Variants in EBF1 observed in about 807,000 individuals in gnomAD.
EBF1 encodes the protein EBF transcription factor 1, also known as transcription factor COE1.
Under a neutral mutation model 68.4 loss-of-function variants are expected in EBF1, and 10 were observed. The ratio of observed to expected loss-of-function variants is 0.15; its 90% CI spans 0.09 to 0.25. EBF1 has a LOEUF of 0.25. EBF1 is among the 10% of genes least tolerant of loss of function. EBF1 has a pLI of 1.00. For missense variants in EBF1, 509 were observed against 794.4 expected (o/e 0.64, Z 4.32); for synonymous variants, 298 against 299.8 (o/e 0.99, Z 0.06).
At chr5:158,851,377 G>A (rs1252216036) in intron 6 of EBF1, among the ~76,000 whole-genome samples, 4 of 129,960 alleles carry the variant, frequency 3.1e-5, no homozygotes, top group Non-Finnish European at 6.7e-5. Flanking sequence ...GGAAAGGGAA[G>A]GGAAGGGGAA....
chr5:158,878,507 T>C (rs1798211910), intron 6 of EBF1, among the ~76,000 whole-genome samples: 1 of 152,206 alleles, frequency 6.6e-6, no homozygotes, highest in South Asian at 2.1e-4. Context: ...AATCTCATTA[T>C]CTCATTTAAC....
At chr5:158,788,782 G>A (rs978185475) in intron 9 of EBF1, among the ~76,000 whole-genome samples, 3 of 152,240 alleles carry the variant, frequency 2.0e-5, no homozygotes, top group African/African-American at 2.4e-5. Context: ...TTACAGACAC[G>A]TGTACCTCCT....
intron 11 of EBF1, among the ~76,000 whole-genome samples, chr5:158,715,848 G>T (rs1354903452): frequency 6.6e-6 from 1 of 152,118 alleles, no homozygotes; most frequent in Admixed American, 6.6e-5. Flanking sequence ...TCTTAGGAAA[G>T]ATGAAAACAA....
intron 7 of EBF1, among the ~76,000 whole-genome samples, chr5:158,837,924 A>G (rs1789203865): frequency 6.6e-6 from 1 of 152,214 alleles, no homozygotes; most frequent in Admixed American, 6.5e-5. Flanking sequence ...CAAAAGAAAT[A>G]TAAGGTTCAT....
intron 6 of EBF1, among the ~76,000 whole-genome samples, chr5:159,034,527 C>A (rs529563737): frequency 6.6e-6 from 1 of 152,186 alleles, no homozygotes; most frequent in Admixed American, 6.5e-5. Context: ...GACAGCAAAT[C>A]GATTAGTGCT....
At chr5:158,831,798 A>C (rs1228948073) in intron 7 of EBF1, among the ~76,000 whole-genome samples, 6 of 152,184 alleles carry the variant, frequency 3.9e-5, no homozygotes, top group African/African-American at 1.4e-4. Context: ...CACCGTGCTC[A>C]GCCTGAAATC....
At chr5:158,803,928 T>C (rs561512210) in intron 8 of EBF1, among the ~76,000 whole-genome samples, 1 of 143,962 alleles carries the variant, frequency 6.9e-6, no homozygotes, top group African/African-American at 2.6e-5. Context: ...GTATTATATA[T>C]GAAAAAGAGT....
intron 8 of EBF1, among the ~76,000 whole-genome samples, chr5:158,821,440 C>T (rs1359416316): frequency 6.6e-6 from 1 of 152,148 alleles, no homozygotes; most frequent in East Asian, 1.9e-4. Context: ...TCACTGGCTT[C>T]CCAAGAGCAG....
intron 6 of EBF1, among the ~76,000 whole-genome samples, chr5:158,951,844 G>A (rs965102535): frequency 3.9e-5 from 6 of 152,198 alleles, no homozygotes; most frequent in Admixed American, 2.0e-4. Flanking sequence ...ACAGAGACAG[G>A]ACACAGAAAG....
At chr5:158,953,551 A>T (rs1816470451) in intron 6 of EBF1, among the ~76,000 whole-genome samples, 2 of 152,206 alleles carry the variant, frequency 1.3e-5, no homozygotes, top group South Asian at 2.1e-4. Flanking sequence ...CAGAAAGTTG[A>T]CAATCATACA....
intron 6 of EBF1, among the ~76,000 whole-genome samples, chr5:158,904,902 C>G (rs1804240692): frequency 6.6e-6 from 1 of 152,176 alleles, no homozygotes; most frequent in South Asian, 2.1e-4. Flanking sequence ...TATTCTCCAG[C>G]ATTAAGACAA....
At chr5:158,789,637 C>A (rs1029808340) in intron 9 of EBF1, among the ~76,000 whole-genome samples, 1 of 152,134 alleles carries the variant, frequency 6.6e-6, no homozygotes, top group Non-Finnish European at 1.5e-5. Flanking sequence ...GCTCCCAGGA[C>A]AAGCCACCCT....
chr5:159,078,499 C>G (rs1198351828), intron 5 of EBF1, among the ~76,000 whole-genome samples: 1 of 152,188 alleles, frequency 6.6e-6, no homozygotes, highest in African/African-American at 2.4e-5. Context: ...GACCTTCATC[C>G]GTTCAAAGCA....
chr5:158,970,655 C>G (rs1376014949), intron 6 of EBF1, among the ~76,000 whole-genome samples: 4 of 152,160 alleles, frequency 2.6e-5, no homozygotes, highest in Non-Finnish European at 5.9e-5. Context: ...TCCATAAACA[C>G]AAGCACCTAC....
intron 6 of EBF1, among the ~76,000 whole-genome samples, chr5:158,981,352 C>A (rs1049710899): frequency 1.3e-5 from 2 of 152,148 alleles, no homozygotes; most frequent in African/African-American, 4.8e-5. Context: ...TATGTCAAAT[C>A]AACATTTTAA....
At chr5:158,751,172 C>T (rs978082931) in intron 10 of EBF1, among the ~76,000 whole-genome samples, 20 of 152,054 alleles carry the variant, frequency 1.3e-4, no homozygotes, top group African/African-American at 4.3e-4. Context: ...TTTTAGTGGT[C>T]AACTCTGGGT....
At chr5:159,092,372 G>C (rs1388444107) in intron 4 of EBF1, among the ~76,000 whole-genome samples, 1 of 152,162 alleles carries the variant, frequency 6.6e-6, no homozygotes, top group East Asian at 1.9e-4. Flanking sequence ...ATTATATCCT[G>C]TGTGCTTTAC....
chr5:158,878,653 T>TA (rs932863378), intron 6 of EBF1, among the ~76,000 whole-genome samples: 8 of 150,962 alleles, frequency 5.3e-5, no homozygotes, highest in African/African-American at 2.0e-4. Context: ...CCTTTTTTTT[T>TA]TTTTTCCTGA....
chr5:158,787,130 G>T (rs931225430), intron 9 of EBF1, among the ~76,000 whole-genome samples: 4 of 152,130 alleles, frequency 2.6e-5, no homozygotes, highest in African/African-American at 9.7e-5. Context: ...TAATAATGTG[G>T]CTGTACAACT....
Sources: gnomAD v4.1 joint callset for allele counts (sites outside exome capture counted in the v4.1 genomes callset) on GRCh38, gnomAD v4.1.1 for gene constraint, MANE v1.5 for transcripts, NCBI Gene and HGNC (gene_info 2026-07-23, HGNC 2026-07-21) for gene names.